The following SLC7A14 variants were observed in gnomAD, a reference collection of about 807,000 sequenced individuals.
SLC7A14 encodes the protein solute carrier family 7 member 14.
Under a neutral mutation model 60.2 loss-of-function variants are expected in SLC7A14, and 37 were observed. That is an observed-to-expected ratio of 0.61 (90% confidence interval 0.47 to 0.81). SLC7A14 has a LOEUF of 0.81. Ranked by LOEUF, SLC7A14 falls within the 30% of genes least tolerant of loss-of-function variation. SLC7A14 has a pLI of 0.00. For missense variants in SLC7A14, 886 were observed against 982.7 expected (o/e 0.90, Z 1.32); for synonymous variants, 399 against 395.8 (o/e 1.01, Z -0.10).
At chr3:170,490,818 A>G (rs994035593) in intron 4 of SLC7A14, among the ~76,000 whole-genome samples, 3 of 152,202 alleles carry the variant, frequency 2.0e-5, no homozygotes, top group Admixed American at 2.0e-4. Context: ...GGAGATAATA[A>G]TAGCACTTAG....
At chr3:170,533,243 C>A (rs1488748184) in intron 1 of SLC7A14, among the ~76,000 whole-genome samples, 10 of 152,182 alleles carry the variant, frequency 6.6e-5, no homozygotes, top group Admixed American at 6.5e-4. Context: ...GCATGTCAGC[C>A]ACTCTGACTT....
intron 1 of SLC7A14, among the ~76,000 whole-genome samples, chr3:170,536,339 A>G (rs961440445): frequency 1.3e-5 from 2 of 152,260 alleles, no homozygotes; most frequent in African/African-American, 2.4e-5. Context: ...TTTGCTTGCC[A>G]AAGAAGAAGA....
At chr3:170,469,432 T>G (rs1396888705) in intron 7 of SLC7A14, among the ~76,000 whole-genome samples, 1 of 152,228 alleles carries the variant, frequency 6.6e-6, no homozygotes, top group African/African-American at 2.4e-5. Context: ...TTTGCAGATG[T>G]AGCTATTAGT....
rs192510552 is a variant in SLC7A14 at position 170,569,857 on chromosome 3, T to C, written c.-153+16054A>G. Among the ~76,000 whole-genome samples the C allele has an allele frequency of 1.1e-4, 17 of 152,308 alleles. No homozygotes were observed. The East Asian group carries it at 3.3e-3, about 29-fold the overall frequency. Reference sequence around the variant, plus strand: ...TATTTCTGTGGGGTCGGTGGTGATATCCCCTTTATCACTTTTTATTGCATC... The same window carrying C: ...TATTTCTGTGGGGTCGGTGGTGATACCCCCTTTATCACTTTTTATTGCATC... On this transcript the variant is annotated intron_variant, in intron 1 of 7. Transcript: ENST00000231706.
At chr3:170,561,723 A>G (rs539453412) in intron 1 of SLC7A14, among the ~76,000 whole-genome samples, 1 of 152,340 alleles carries the variant, frequency 6.6e-6, no homozygotes, top group South Asian at 2.1e-4. Context: ...GTGGGAGAAA[A>G]TCTTCACAAT....
Position 170,549,496 on chromosome 3 carries a change from G to A in SLC7A14, c.-152-22408C>T, listed in dbSNP as rs557189491. Among the ~76,000 whole-genome samples, 3 of 152,268 alleles carry A rather than the reference G, an allele frequency of 2.0e-5. 1 individual carries two copies. The South Asian group carries it at 6.2e-4, about 32-fold the overall frequency. On this transcript the variant is annotated intron_variant, in intron 1 of 7. Transcript: ENST00000231706. ...CCCAAAGTGCTGGGATTACAGACGTGAGCCACCACGCCCAGCCTTTTGAAT... is the reference window on the plus strand; with the variant it reads ...CCCAAAGTGCTGGGATTACAGACGTAAGCCACCACGCCCAGCCTTTTGAAT...
At chr3:170,549,172 A>G (rs1033930730) in intron 1 of SLC7A14, among the ~76,000 whole-genome samples, 5 of 152,072 alleles carry the variant, frequency 3.3e-5, no homozygotes, top group Non-Finnish European at 7.4e-5. Flanking sequence ...GACTAGTTCA[A>G]TATAATACAG....
chr3:170,526,845 G>C lies in SLC7A14; in HGVS notation c.92C>G (p.Pro31Arg), dbSNP rs755284047. 1 of 1,614,148 alleles carries C rather than the reference G, an allele frequency of 6.2e-7. No individual in the cohort carries two copies. The highest frequency in any genetic ancestry group is 1.7e-5 in the Admixed American group (1 of 60,020). ...AGTTCCCTCTAGCATGGACTCCACT[G>C]GTTTGGTGCGTAGGATCCTGGAGTG... ...AMHSRILRTKPVESMLEGTGT... is the reference protein window; with the variant it reads ...AMHSRILRTKRVESMLEGTGT... Residue 31 changes from proline to arginine, a missense_variant, in exon 2 of 8, where the codon CCA (proline) becomes CGA (arginine). By Grantham distance (103) the Pro-to-Arg change is moderately radical (BLOSUM62 -2). Coordinates refer to ENST00000231706, the MANE Select transcript of SLC7A14 (RefSeq NM_020949.3).
At chr3:170,493,859 C>T (rs1198212590) in intron 4 of SLC7A14, among the ~76,000 whole-genome samples, 1 of 152,214 alleles carries the variant, frequency 6.6e-6, no homozygotes, top group Admixed American at 6.5e-5. Context: ...GCAACATCTT[C>T]ACACTGGGCT....
At chr3:170,578,770 A>G (rs1233636940) in intron 1 of SLC7A14, among the ~76,000 whole-genome samples, 1 of 152,212 alleles carries the variant, frequency 6.6e-6, no homozygotes, top group Non-Finnish European at 1.5e-5. Context: ...ATAATGGATT[A>G]TTCAAGCTCT....
chr3:170,544,920 T>C (rs1241072732), intron 1 of SLC7A14, among the ~76,000 whole-genome samples: 1 of 152,220 alleles, frequency 6.6e-6, no homozygotes, highest in Non-Finnish European at 1.5e-5. Flanking sequence ...CACTGTCTAG[T>C]AGACATTCTG....
At chr3:170,496,257 G>A in intron 4 of SLC7A14, 1 of 951,344 alleles carries the variant, frequency 1.1e-6, no homozygotes, top group Non-Finnish European at 1.7e-6. Flanking sequence ...CCGCAGCTGG[G>A]CTGAGGCTGA....
chr3:170,566,586 A>G (rs1035336859), intron 1 of SLC7A14, among the ~76,000 whole-genome samples: 6 of 152,004 alleles, frequency 3.9e-5, no homozygotes, highest in Admixed American at 3.9e-4. Flanking sequence ...CATCCCACTC[A>G]CTGTTGTCAG....
chr3:170,545,214 C>G (rs1714141242), intron 1 of SLC7A14, among the ~76,000 whole-genome samples: 1 of 152,142 alleles, frequency 6.6e-6, no homozygotes, highest in South Asian at 2.1e-4. Flanking sequence ...AGAATTTATC[C>G]AAGTCTCTGA....
At chr3:170,491,093 G>A (rs373407570) in intron 4 of SLC7A14, among the ~76,000 whole-genome samples, 2 of 152,134 alleles carry the variant, frequency 1.3e-5, no homozygotes, top group African/African-American at 4.8e-5. Context: ...TGGGGATATA[G>A]TCATGAGCAA....
rs1048527864 is a variant in SLC7A14, at chr3:170,463,879, G to A, written c.*3176C>T. 2.6e-5 allele frequency: 4 copies of A among 152,144 alleles called. No homozygotes were observed. The highest frequency in any genetic ancestry group is 7.2e-5 in the African/African-American group (3 of 41,424). The allele number at this position is 152,144 out of a possible 1,614,324, so 9.4% of individuals were successfully genotyped here. A position where few individuals can be genotyped will look rare whatever the true frequency, so the allele number is the denominator to read the frequency against. ...GGCACATGTAGCTAGCAAAATCTAG[G>A]TTTGAAGCTTACCTGTGGATTTTAA... On this transcript the variant is annotated 3_prime_UTR_variant, in exon 8 of 8. Coordinates refer to ENST00000231706, the MANE Select transcript of SLC7A14 (RefSeq NM_020949.3).
intron 4 of SLC7A14, among the ~76,000 whole-genome samples, chr3:170,488,326 TG>T (rs1712102272): frequency 6.6e-6 from 1 of 152,118 alleles, no homozygotes; most frequent in African/African-American, 2.4e-5. Context: ...AGAGAACTCC[TG>T]CTTTCCCTAC....
chr3:170,510,282 C>T (rs568579465), intron 2 of SLC7A14, among the ~76,000 whole-genome samples: 9 of 150,094 alleles, frequency 6.0e-5, no homozygotes, highest in African/African-American at 1.2e-4. Flanking sequence ...TCCAGCTGTT[C>T]GGGAGGCTGA....
At chr3:170,581,450 T>A (rs1715232628) in intron 1 of SLC7A14, among the ~76,000 whole-genome samples, 1 of 152,140 alleles carries the variant, frequency 6.6e-6, no homozygotes, top group African/African-American at 2.4e-5. Flanking sequence ...TTTTTTTTAA[T>A]CCTGAGAAGA....
Sources: gnomAD v4.1 joint callset for allele counts (sites outside exome capture counted in the v4.1 genomes callset) on GRCh38, gnomAD v4.1.1 for gene constraint, MANE v1.5 for transcripts, NCBI Gene and HGNC (gene_info 2026-07-23, HGNC 2026-07-21) for gene names.